The following PLCG2 variants were observed in gnomAD, a reference collection of about 807,000 sequenced individuals.
PLCG2 encodes the protein phospholipase C gamma 2, also known as 1-phosphatidylinositol 4,5-bisphosphate phosphodiesterase gamma-2.
A neutral mutation model predicts 175.6 loss-of-function variants in PLCG2; 69 were observed. The ratio of observed to expected loss-of-function variants is 0.39; its 90% CI spans 0.32 to 0.48. The LOEUF (loss-of-function observed/expected upper bound fraction) is 0.48, where lower values mean the gene tolerates loss of function less well. PLCG2 is among the 20% of genes least tolerant of loss of function. PLCG2 has a pLI of 0.91. For synonymous variants in PLCG2, 827 were observed against 624.0 expected (o/e 1.33, Z -4.85); for missense variants, 1,798 against 1,650.9 (o/e 1.09, Z -1.54).
intron 7 of PLCG2, among the ~76,000 whole-genome samples, chr16:81,871,175 T>A (rs549168117): frequency 2.4e-4 from 37 of 152,254 alleles, no homozygotes; most frequent in African/African-American, 8.9e-4. Context: ...CTGGTGGAAA[T>A]GCGAATGGCC....
intron 7 of PLCG2, among the ~76,000 whole-genome samples, chr16:81,880,274 A>G (rs1567513415): frequency 6.6e-6 from 1 of 152,192 alleles, no homozygotes. Context: ...AGAAAAAGGT[A>G]TGTGTACCCC....
At chr16:81,904,358 C>T (rs4286102) in intron 14 of PLCG2, among the ~76,000 whole-genome samples, 128,929 of 152,226 alleles carry the variant, frequency 0.85, 55,535 homozygotes, top group East Asian at 0.97. Context: ...TGGATCTGAC[C>T]CCCTATCCTG....
At chr16:81,818,426 G>A (rs1306956944) in intron 2 of PLCG2, among the ~76,000 whole-genome samples, 2 of 152,196 alleles carry the variant, frequency 1.3e-5, no homozygotes, top group East Asian at 1.9e-4. Flanking sequence ...CATTGTTCCT[G>A]TGTCATGCAT....
At position 81,907,724 on chromosome 16, in the gene PLCG2, C is replaced by G. The variant is rs1272698732; in HGVS notation, c.1507C>G (p.Leu503Val). 6.2e-7 allele frequency: 1 copy of G among 1,614,060 alleles called. No individual in the cohort carries two copies. Among genetic ancestry groups the G allele is most frequent in the East Asian group, 2.2e-5 (1 of 44,876 alleles). Residue 503 changes from leucine to valine, a missense_variant, in exon 16 of 33, where the codon CTG becomes GTG. Transcript: ENST00000564138. Reference sequence around the variant, plus strand: ...CTACTGCGCCATTGCCGATGCCAAGCTGTCCTTCAGTGATGACATTGAACA... The same window carrying G: ...CTACTGCGCCATTGCCGATGCCAAGGTGTCCTTCAGTGATGACATTGAACA... ...RHYCAIADAK[L>V]SFSDDIEQTM...
At chr16:81,803,596 C>CCT (rs759639001) in intron 2 of PLCG2, among the ~76,000 whole-genome samples, 22 of 86,256 alleles carry the variant, frequency 2.6e-4, no homozygotes, top group Admixed American at 1.1e-3. Context: ...CTTTTCTTTT[C>CCT]TCCTTTTCTT....
At chr16:81,882,922 T>A (rs1908158894) in intron 8 of PLCG2, among the ~76,000 whole-genome samples, 1 of 149,850 alleles carries the variant, frequency 6.7e-6, no homozygotes, top group South Asian at 2.2e-4. Flanking sequence ...CCCTCATCTC[T>A]TGCTACACTG....
At chr16:81,862,672 C>G (rs898334360) in intron 5 of PLCG2, among the ~76,000 whole-genome samples, 1 of 152,024 alleles carries the variant, frequency 6.6e-6, no homozygotes, top group East Asian at 1.9e-4. Context: ...GAGTTGGAGA[C>G]CAGCTTGGGC....
intron 31 of PLCG2, among the ~76,000 whole-genome samples, chr16:81,953,117 A>G (rs1475717483): frequency 2.0e-5 from 3 of 152,338 alleles, no homozygotes; most frequent in South Asian, 2.1e-4. Flanking sequence ...TTCATACAAA[A>G]TAACTGACTA....
intron 1 of PLCG2, chr16:81,785,737 GC>G (rs1309798751): frequency 2.5e-6 from 1 of 392,960 alleles, no homozygotes; most frequent in African/African-American, 2.1e-5. Flanking sequence ...GAGGTCAGGG[GC>G]TCTTCTCACA....
intron 2 of PLCG2, among the ~76,000 whole-genome samples, chr16:81,798,054 C>T (rs1197187319): frequency 6.6e-6 from 1 of 152,096 alleles, no homozygotes; most frequent in African/African-American, 2.4e-5. Flanking sequence ...TGGCCTTGAA[C>T]TTCTGACCTC....
At chr16:81,896,076 C>G in intron 13 of PLCG2, 149 bp downstream of exon 13, 2 of 995,772 alleles carry the variant, frequency 2.0e-6, no homozygotes, top group Non-Finnish European at 3.0e-6. Context: ...CCACTGCCAT[C>G]AAGTTCTCAC....
chr16:81,769,382 G>A (rs969187744), intron 2 of PLCG2, among the ~76,000 whole-genome samples: 2 of 152,192 alleles, frequency 1.3e-5, no homozygotes, highest in African/African-American at 4.8e-5. Flanking sequence ...GCGGGCGGCA[G>A]TTAAATGCGG....
At chr16:81,792,876 C>T (rs1259008010) in intron 2 of PLCG2, among the ~76,000 whole-genome samples, 1 of 152,156 alleles carries the variant, frequency 6.6e-6, no homozygotes, top group Non-Finnish European at 1.5e-5. Flanking sequence ...ATATCAGCCA[C>T]TTACTAGAAG....
intron 10 of PLCG2, among the ~76,000 whole-genome samples, chr16:81,889,799 C>T (rs973460966): frequency 7.9e-5 from 12 of 151,960 alleles, no homozygotes; most frequent in East Asian, 1.9e-4. Context: ...GGATTATAGG[C>T]GCTGTCCACC....
rs905896731 is a variant in PLCG2 at position 81,854,447 on chromosome 16, A to C, written c.197A>C (p.Asp66Ala). 8.7e-6 allele frequency: 14 copies of C among 1,613,802 alleles called. No homozygotes were observed. The highest frequency in any genetic ancestry group is 3.3e-4 in the Middle Eastern group (2 of 6,082). ...GCTCATGTTAATTTCATTTTAGTGG[A>C]TATCATGGAAATAAAAGAAATCCGC... ...KTADKIEGFLDIMEIKEIRPG... is the reference protein window; with the variant it reads ...KTADKIEGFLAIMEIKEIRPG... The change falls in exon 3 of 33, where the codon GAT becomes GCT. Residue 66 changes from aspartate to alanine, a missense_variant. Transcript: ENST00000564138.
intron 2 of PLCG2, among the ~76,000 whole-genome samples, chr16:81,813,480 A>T (rs1904407294): frequency 6.6e-6 from 1 of 152,230 alleles, no homozygotes; most frequent in African/African-American, 2.4e-5. Flanking sequence ...TTTGTCTGTC[A>T]TGGTGTAGAA....
chr16:81,924,301 A>G (rs1417935365), intron 22 of PLCG2, among the ~76,000 whole-genome samples: 2 of 152,268 alleles, frequency 1.3e-5, no homozygotes, highest in East Asian at 3.8e-4. Context: ...CACCTCATAG[A>G]CTGGCATTTC....
At chr16:81,896,419 CACACACAA>C (rs1283243831) in intron 13 of PLCG2, among the ~76,000 whole-genome samples, 1 of 99,766 alleles carries the variant, frequency 1.0e-5, no homozygotes, top group Non-Finnish European at 2.1e-5. Flanking sequence ...CACACACACA[CACACACAA>C]ATCATCTGGG....
chr16:81,795,055 T>C (rs1911405475), intron 2 of PLCG2, among the ~76,000 whole-genome samples: 1 of 152,242 alleles, frequency 6.6e-6, no homozygotes, highest in African/African-American at 2.4e-5. Context: ...TTTGTTCCTT[T>C]GTTGATTTAG....
Sources: gnomAD v4.1 joint callset for allele counts (sites outside exome capture counted in the v4.1 genomes callset) on GRCh38, gnomAD v4.1.1 for gene constraint, MANE v1.5 for transcripts, NCBI Gene and HGNC (gene_info 2026-07-23, HGNC 2026-07-21) for gene names.